ATOH8: variants seen among roughly 807,000 people sequenced by gnomAD.
The protein encoded by ATOH8 is atonal bHLH transcription factor 8.
ATOH8 carries 9 observed loss-of-function variants against 21.2 expected under a neutral mutation model. The ratio of observed to expected loss-of-function variants is 0.42; its 90% confidence interval spans 0.26 to 0.74. The LOEUF (loss-of-function observed/expected upper bound fraction) is 0.74. Ranked by LOEUF, ATOH8 falls within the 30% of genes least tolerant of loss-of-function variation. The probability of loss-of-function intolerance (pLI) is 0.24; values close to 1 mark genes in which losing one functional copy is unlikely to be tolerated. For synonymous variants in ATOH8, 253 were observed against 224.0 expected (o/e 1.13, Z -1.16); for missense variants, 524 against 470.9 (o/e 1.11, Z -1.04).
intron 2 of ATOH8, among the ~76,000 whole-genome samples, chr2:85,772,454 C>T (rs867765294): frequency 5.9e-5 from 9 of 152,190 alleles, no homozygotes; most frequent in Non-Finnish European, 8.8e-5. Context: ...TCCGAGCGCT[C>T]GCTGGGAAGG....
chr2:85,782,369 G>A (rs899973367), intron 2 of ATOH8, among the ~76,000 whole-genome samples: 3 of 152,112 alleles, frequency 2.0e-5, no homozygotes, highest in Non-Finnish European at 2.9e-5. Context: ...TAACTTAAAG[G>A]CAGATAAAAT....
At chr2:85,784,931 C>T (rs554280013) in intron 2 of ATOH8, among the ~76,000 whole-genome samples, 5 of 152,328 alleles carry the variant, frequency 3.3e-5, no homozygotes, top group East Asian at 1.9e-4. Flanking sequence ...ATTCTTGGAC[C>T]GAGGTGGTGG....
chr2:85,781,918 G>A (rs1055587045), intron 2 of ATOH8, among the ~76,000 whole-genome samples: 2 of 152,014 alleles, frequency 1.3e-5, no homozygotes, highest in Admixed American at 1.3e-4. Context: ...TAAAAAAGAT[G>A]AGGAAACTGA....
chr2:85,781,770 C>T (rs1406338556), intron 2 of ATOH8, among the ~76,000 whole-genome samples: 1 of 151,696 alleles, frequency 6.6e-6, no homozygotes, highest in Non-Finnish European at 1.5e-5. Flanking sequence ...CCCAGGTATA[C>T]AGGAGGCTGA....
At chr2:85,778,235 G>A (rs1356457195) in intron 2 of ATOH8, among the ~76,000 whole-genome samples, 1 of 152,248 alleles carries the variant, frequency 6.6e-6, no homozygotes, top group Non-Finnish European at 1.5e-5. Flanking sequence ...AGGCCGTCTG[G>A]TGCCATAGCT....
chr2:85,763,937 T>C, intron 1 of ATOH8, 54 bp from the exon 2 acceptor site: 1 of 1,561,626 alleles, frequency 6.4e-7, no homozygotes, highest in Non-Finnish European at 8.7e-7. Context: ...CTCCCATGCC[T>C]GCCAGGCTGG....
chr2:85,768,103 T>C (rs1484194212), intron 2 of ATOH8, among the ~76,000 whole-genome samples: 1 of 152,158 alleles, frequency 6.6e-6, no homozygotes, highest in Non-Finnish European at 1.5e-5. Flanking sequence ...GTGTAGTTTC[T>C]CTGTGAGGCC....
chr2:85,775,629 C>T (rs1437598750), intron 2 of ATOH8, among the ~76,000 whole-genome samples: 1 of 152,184 alleles, frequency 6.6e-6, no homozygotes, highest in Non-Finnish European at 1.5e-5. Flanking sequence ...AGCTTTTCAT[C>T]CTCAAGCTGC....
At chr2:85,761,589 T>TA (rs1315249076) in intron 1 of ATOH8, among the ~76,000 whole-genome samples, 1 of 152,174 alleles carries the variant, frequency 6.6e-6, no homozygotes, top group Non-Finnish European at 1.5e-5. Flanking sequence ...GCCCAGCTGT[T>TA]ACGGGCCATG....
chr2:85,770,359 C>A (rs1680147474), intron 2 of ATOH8, among the ~76,000 whole-genome samples: 1 of 149,178 alleles, frequency 6.7e-6, no homozygotes, highest in African/African-American at 2.4e-5. Flanking sequence ...TGGTGGCTCA[C>A]ATATCCAACC....
At chr2:85,756,504 C>A (rs1172687729) in intron 1 of ATOH8, among the ~76,000 whole-genome samples, 1 of 152,152 alleles carries the variant, frequency 6.6e-6, no homozygotes, top group African/African-American at 2.4e-5. Context: ...GGGCTGGCAC[C>A]TAGGGGCTTT....
chr2:85,764,229 G>A (rs1679944725), intron 2 of ATOH8, 47 bp downstream of exon 2: 1 of 1,603,750 alleles, frequency 6.2e-7, no homozygotes. Context: ...GCATAGGGGA[G>A]GCAGGGACAG....
At chr2:85,756,945 G>A (rs924585356) in intron 1 of ATOH8, among the ~76,000 whole-genome samples, 2 of 152,270 alleles carry the variant, frequency 1.3e-5, no homozygotes, top group East Asian at 1.9e-4. Context: ...CCCCCTTACC[G>A]TGGGAAGTTC....
At chr2:85,781,395 C>T (rs11900501) in intron 2 of ATOH8, among the ~76,000 whole-genome samples, 56,566 of 151,102 alleles carry the variant, frequency 0.37, 11,858 homozygotes, top group African/African-American at 0.58. Flanking sequence ...GGTGAAACCC[C>T]GTCTCTACTA....
chr2:85,780,772 C>T (rs1284373241), intron 2 of ATOH8, among the ~76,000 whole-genome samples: 1 of 152,268 alleles, frequency 6.6e-6, no homozygotes. Context: ...ATAACTGAAA[C>T]TCTTAGACAC....
At chr2:85,778,905 G>A (rs183767836) in intron 2 of ATOH8, among the ~76,000 whole-genome samples, 1 of 150,858 alleles carries the variant, frequency 6.6e-6, no homozygotes, top group Non-Finnish European at 1.5e-5. Context: ...TTCTCGTGTG[G>A]CTGGGCCACC....
intron 2 of ATOH8, chr2:85,774,174 A>G: frequency 1.0e-6 from 1 of 985,482 alleles, no homozygotes; most frequent in Non-Finnish European, 1.2e-6. Flanking sequence ...GGCCAAAGGC[A>G]AGGAGGACCC....
chr2:85,770,110 G>A (rs561552764), intron 2 of ATOH8, among the ~76,000 whole-genome samples: 2 of 152,330 alleles, frequency 1.3e-5, no homozygotes, highest in South Asian at 4.1e-4. Flanking sequence ...GATGTTCAGA[G>A]AGCGTGGATC....
chr2:85,780,785 G>A lies in ATOH8; in HGVS notation c.961-6100G>A, dbSNP rs542012932. On this transcript the variant is annotated intron_variant, in intron 2 of 2. Coordinates refer to ENST00000306279, the MANE Select transcript of ATOH8 (RefSeq NM_032827.7). Reference sequence around the variant, plus strand: ...CCATAACTGAAACTCTTAGACACTCGGGACCTTGAAGGGCCCTCCAAGCCC... The same window carrying A: ...CCATAACTGAAACTCTTAGACACTCAGGACCTTGAAGGGCCCTCCAAGCCC... 2.8e-4 allele frequency among the ~76,000 whole-genome samples: 42 copies of A among 152,284 alleles called. 2 individuals are homozygous for A. In the South Asian group the frequency reaches 8.5e-3, roughly 31 times the overall value.
Sources: gnomAD v4.1 joint callset for allele counts (sites outside exome capture counted in the v4.1 genomes callset) on GRCh38, gnomAD v4.1.1 for gene constraint, MANE v1.5 for transcripts, NCBI Gene and HGNC (gene_info 2026-07-23, HGNC 2026-07-21) for gene names.